TEX48: variants seen among roughly 807,000 people sequenced by gnomAD.
TEX48 encodes the protein testis expressed 48.
In TEX48, 10 loss-of-function variants were observed where a neutral mutation model predicts 13.2. That is an observed-to-expected ratio of 0.75 (90% confidence interval 0.47 to 1.28). The LOEUF is 1.28. TEX48 is among the 50% of genes most tolerant of loss of function. The pLI is 0.00. For missense variants in TEX48, 116 were observed against 139.4 expected (o/e 0.83, Z 0.84); for synonymous variants, 45 against 52.3 (o/e 0.86, Z 0.60).
Position 114,672,427 on chromosome 9 carries a change from T to G in TEX48, c.-104-600A>C, listed in dbSNP as rs1163360963. On this transcript the variant is annotated intron_variant, in intron 1 of 4. Transcript: ENST00000436752. ...CAGATCCCTTTATTTGTGTATCAAG[T>G]TTTTAGATCTCTGGATACATTCTGT... Among the ~76,000 whole-genome samples the G allele has an allele frequency of 3.3e-5, 5 of 152,200 alleles. No individual in the cohort carries two copies. The East Asian group carries it at 7.7e-4, about 23-fold the overall frequency.
At chr9:114,680,609 T>A (rs1828177249) in intron 1 of TEX48, among the ~76,000 whole-genome samples, 1 of 152,214 alleles carries the variant, frequency 6.6e-6, no homozygotes, top group Non-Finnish European at 1.5e-5. Flanking sequence ...AACTGTGTTT[T>A]CAAGAAAAGC....
At chr9:114,671,001 A>G (rs1481878699) in intron 3 of TEX48, among the ~76,000 whole-genome samples, 1 of 152,178 alleles carries the variant, frequency 6.6e-6, no homozygotes, top group East Asian at 1.9e-4. Context: ...TATTGCCCCC[A>G]AAACAGGGAT....
Position 114,671,811 on chromosome 9 carries a change from C to G in TEX48, c.-88G>C. On this transcript the variant is annotated 5_prime_UTR_variant, in exon 2 of 5. Coordinates refer to ENST00000436752, the MANE Select transcript of TEX48 (RefSeq NM_001199233.2). The stretch of plus-strand genomic sequence containing the variant: ...CAGTCTTGAGTTTGAGCCCAGTTCA[C>G]TGGGCTGGGCTGTTTCCTAAGTAAA... 1.4e-6 allele frequency: 2 copies of G among 1,414,812 alleles called. No homozygotes were observed. Among genetic ancestry groups the G allele is most frequent in the East Asian group, 2.5e-5 (1 of 40,382 alleles). The allele number at this position is 1,414,812 out of a possible 1,614,324, so 87.6% of individuals were successfully genotyped here.
In TEX48 at chr9:114,666,645, A is replaced by G. The variant is rs1301977292; in HGVS notation, c.361T>C (p.Ter121ArgextTer3). Residue 121 changes from the stop codon to arginine (R), a stop_lost, in exon 5 of 5, where the codon TGA becomes CGA. Transcript: ENST00000436752. The part of the protein sequence containing the change: ...PFQPCLTGRP[*>R] ...TGTGCAGCCGCCGGCTAGAATGCTCAGGGCCTCCCAGTGAGGCATGGCTGG... is the reference window on the plus strand; with the variant it reads ...TGTGCAGCCGCCGGCTAGAATGCTCGGGGCCTCCCAGTGAGGCATGGCTGG... The G allele has an allele frequency of 2.0e-6, 3 of 1,515,908 alleles. No individual in the cohort carries two copies. Among genetic ancestry groups the G allele is most frequent in the Non-Finnish European group, 2.7e-6 (3 of 1,131,552 alleles). The allele number at this position is 1,515,908 out of a possible 1,614,324, so 93.9% of individuals were successfully genotyped here.
chr9:114,679,004 T>C (rs1828133751), intron 1 of TEX48, among the ~76,000 whole-genome samples: 1 of 151,962 alleles, frequency 6.6e-6, no homozygotes, highest in African/African-American at 2.4e-5. Context: ...CATGAAACTA[T>C]TTTAAAAGAT....
chr9:114,668,344 A>T lies in TEX48; in HGVS notation c.128-7T>A. ...TCCTTCTGAAGCAGCAAATCTGGCA[A>T]TGAGAATTCCACAGGGTCACGTGGG... On this transcript the variant is annotated splice_polypyrimidine_tract_variant and splice_region_variant and intron_variant, in intron 3 of 4. Coordinates refer to ENST00000436752, the MANE Select transcript of TEX48 (RefSeq NM_001199233.2). 6.5e-7 allele frequency: 1 copy of T among 1,535,508 alleles called. No individual in the cohort carries two copies. The highest frequency in any genetic ancestry group is 8.7e-7 in the Non-Finnish European group (1 of 1,146,774).
At chr9:114,672,236 G>A (rs1414767683) in intron 1 of TEX48, among the ~76,000 whole-genome samples, 3 of 152,176 alleles carry the variant, frequency 2.0e-5, no homozygotes, top group South Asian at 2.1e-4. Flanking sequence ...GGACTTGTAG[G>A]TTTAAATTCT....
chr9:114,678,323 T>C (rs917125307), intron 1 of TEX48, among the ~76,000 whole-genome samples: 1 of 152,174 alleles, frequency 6.6e-6, no homozygotes, highest in Admixed American at 6.5e-5. Flanking sequence ...AGGGAGCATT[T>C]TTCTAGAGAA....
At position 114,671,384 on chromosome 9, in the gene TEX48, T is replaced by C. The variant is rs991190160; in HGVS notation, c.126A>G (p.Gln42=). The C allele has an allele frequency of 4.6e-6, 7 of 1,535,060 alleles. No homozygotes were observed. Among genetic ancestry groups the C allele is most frequent in the African/African-American group, 2.7e-5 (2 of 72,990 alleles). Reference sequence around the variant, plus strand: ...AGAGTGTCCTTATCTGATACCTACTTTGGGTCGATGGCTTGTGCTCCTGGG... The same window carrying C: ...AGAGTGTCCTTATCTGATACCTACTCTGGGTCGATGGCTTGTGCTCCTGGG... ...SQTQEHKPST[Q]NLLLQKDELD... is the part of the protein sequence containing the mutation. Residue 42 remains glutamine, a splice_region_variant and synonymous_variant, in exon 3 of 5, where the codon CAA becomes CAG. Transcript: ENST00000436752.
At chr9:114,680,288 T>A (rs1828168039) in intron 1 of TEX48, among the ~76,000 whole-genome samples, 1 of 151,978 alleles carries the variant, frequency 6.6e-6, no homozygotes, top group African/African-American at 2.4e-5. Flanking sequence ...CCACCACGCA[T>A]GGCTAATTTT....
In TEX48 at chr9:114,668,195, T is replaced by C; in HGVS notation, c.259+11A>G. The C allele has an allele frequency of 3.3e-6, 5 of 1,535,630 alleles. No individual in the cohort carries two copies. Among genetic ancestry groups the C allele is most frequent in the South Asian group, 1.2e-5 (1 of 84,064 alleles). On this transcript the variant is annotated intron_variant, in intron 4 of 4. Coordinates refer to ENST00000436752, the MANE Select transcript of TEX48 (RefSeq NM_001199233.2). ...TTCTGGTCAGTGTTAGGACCCCAAT[T>C]TGGGACTCACCCTCAAACTCACTGC...
chr9:114,666,767 A>G lies in TEX48; in HGVS notation c.260-21T>C, dbSNP rs866606540. On this transcript the variant is annotated intron_variant, in intron 4 of 4. Coordinates refer to ENST00000436752, the MANE Select transcript of TEX48 (RefSeq NM_001199233.2). ...CAGATCTGAAAGAAGAAAGGAAAAAATTATGCTGGGTGAAGGCCTTTGAAT... is the reference window on the plus strand; with the variant it reads ...CAGATCTGAAAGAAGAAAGGAAAAAGTTATGCTGGGTGAAGGCCTTTGAAT... 4.5e-6 allele frequency: 6 copies of G among 1,327,664 alleles called. No individual in the cohort carries two copies. In the Middle Eastern group the frequency reaches 9.0e-4, roughly 199 times the overall value. The allele number at this position is 1,327,664 out of a possible 1,614,324, so 82.2% of individuals were successfully genotyped here.
chr9:114,674,604 TCCTTCC>T (rs1828019503), intron 1 of TEX48, among the ~76,000 whole-genome samples: 12 of 18,708 alleles, frequency 6.4e-4, no homozygotes, highest in African/African-American at 8.6e-4. Context: ...TCTTTTTCTT[TCCTTCC>T]TTCCTTCCTT....
At chr9:114,666,831 G>T in intron 4 of TEX48, 85 bp from the exon 5 acceptor site, 1 of 700,584 alleles carries the variant, frequency 1.4e-6, no homozygotes, top group Non-Finnish European at 2.4e-6. Flanking sequence ...TGTATCCATT[G>T]CTGATCATTC....
At chr9:114,674,907 G>A (rs570549931) in intron 1 of TEX48, among the ~76,000 whole-genome samples, 1 of 147,180 alleles carries the variant, frequency 6.8e-6, no homozygotes, top group Admixed American at 6.9e-5. Context: ...TTGAAATCAA[G>A]TGATCCTCCC....
At chr9:114,669,372 G>T (rs1827902168) in intron 3 of TEX48, among the ~76,000 whole-genome samples, 1 of 149,802 alleles carries the variant, frequency 6.7e-6, no homozygotes, top group African/African-American at 2.5e-5. Flanking sequence ...TCGACCTCCT[G>T]GGCTCAAGTG....
chr9:114,668,447 T>C, intron 3 of TEX48, 110 bp from the exon 4 acceptor site: 1 of 916,282 alleles, frequency 1.1e-6, no homozygotes, highest in Non-Finnish European at 1.7e-6. Flanking sequence ...TGGGGGTTAT[T>C]ATGGGGTGGG....
At chr9:114,666,839 T>G in intron 4 of TEX48, 93 bp from the exon 5 acceptor site, 15 of 641,494 alleles carry the variant, frequency 2.3e-5, no homozygotes, top group East Asian at 5.7e-5. Flanking sequence ...TTGCTGATCA[T>G]TCCTCAGCTT....
chr9:114,680,114 A>G (rs888765076), intron 1 of TEX48, among the ~76,000 whole-genome samples: 8 of 99,130 alleles, frequency 8.1e-5, no homozygotes, highest in Middle Eastern at 0.011. Context: ...TTTAATTGTC[A>G]TTGTCCCTTT....
Sources: allele counts gnomAD v4.1 joint callset (sites outside exome capture counted in the v4.1 genomes callset), GRCh38; gene constraint gnomAD v4.1.1; transcripts MANE v1.5; gene names NCBI Gene and HGNC (gene_info 2026-07-23, HGNC 2026-07-21).